Variants in SYT16 observed in about 807,000 individuals in gnomAD.
SYT16 encodes the protein synaptotagmin 16.
SYT16 carries 42 observed loss-of-function variants against 61.4 expected under a neutral mutation model. The observed-to-expected ratio is 0.68, with a 90% CI of 0.53 to 0.89. SYT16 has a LOEUF of 0.89. Among genes scored for constraint, SYT16 ranks in the 40% least tolerant of loss-of-function variants. The probability of loss-of-function intolerance (pLI) is 0.00; values close to 1 mark genes in which losing one functional copy is unlikely to be tolerated. For synonymous variants in SYT16, 314 were observed against 302.3 expected (o/e 1.04, Z -0.40); for missense variants, 804 against 807.3 (o/e 1.00, Z 0.05).
At chr14:61,849,207 C>T (rs1432857136) in intron 1 of SYT16, among the ~76,000 whole-genome samples, 1 of 152,154 alleles carries the variant, frequency 6.6e-6, no homozygotes, top group Non-Finnish European at 1.5e-5. Flanking sequence ...ATTGTCTTTA[C>T]TCTTCTCTCT....
chr14:62,064,154 T>G (rs1264543622), intron 3 of SYT16, among the ~76,000 whole-genome samples: 1 of 152,076 alleles, frequency 6.6e-6, no homozygotes, highest in African/African-American at 2.4e-5. Context: ...GGTATTTATA[T>G]GATGCTTCAG....
intron 1 of SYT16, among the ~76,000 whole-genome samples, chr14:61,880,675 C>G (rs927734745): frequency 6.6e-6 from 1 of 151,982 alleles, no homozygotes; most frequent in Non-Finnish European, 1.5e-5. Flanking sequence ...AGGTTAAATA[C>G]ATATTTTGTT....
At chr14:61,973,225 A>G (rs970430514) in intron 2 of SYT16, among the ~76,000 whole-genome samples, 1 of 152,164 alleles carries the variant, frequency 6.6e-6, no homozygotes, top group Non-Finnish European at 1.5e-5. Flanking sequence ...CCTTTAGGCT[A>G]TATATATTTT....
chr14:61,852,607 G>T (rs1166734264), intron 1 of SYT16, among the ~76,000 whole-genome samples: 1 of 152,124 alleles, frequency 6.6e-6, no homozygotes, highest in African/African-American at 2.4e-5. Flanking sequence ...GCAGTGGTTT[G>T]TAGTTCTACT....
chr14:62,066,733 A>G (rs980605935), intron 3 of SYT16, among the ~76,000 whole-genome samples: 5 of 152,196 alleles, frequency 3.3e-5, no homozygotes, highest in African/African-American at 1.2e-4. Flanking sequence ...ATGGTTTCCA[A>G]TTCACATTCA....
intron 1 of SYT16, among the ~76,000 whole-genome samples, chr14:61,901,622 G>A (rs923420748): frequency 4.6e-5 from 7 of 151,930 alleles, no homozygotes; most frequent in African/African-American, 1.7e-4. Flanking sequence ...CATTAGTTGA[G>A]CCTGCTTGAT....
intron 1 of SYT16, among the ~76,000 whole-genome samples, chr14:61,833,784 T>C (rs2046026790): frequency 6.6e-6 from 1 of 150,706 alleles, no homozygotes; most frequent in Non-Finnish European, 1.5e-5. Flanking sequence ...CGCTCTTTCT[T>C]TGCGCTAGCG....
chr14:61,865,614 G>T (rs1299679863), intron 1 of SYT16, among the ~76,000 whole-genome samples: 1 of 152,198 alleles, frequency 6.6e-6, no homozygotes, highest in Non-Finnish European at 1.5e-5. Context: ...ATATTTATTT[G>T]CATTTTTCAG....
Position 61,995,915 on chromosome 14 carries a change from G to A in SYT16, c.-105G>A. Reference sequence around the variant, plus strand: ...AGTGAAATATTCACAGCCATTAAGAGACCTCCAAATTAATTTCTCAACATG... The same window carrying A: ...AGTGAAATATTCACAGCCATTAAGAAACCTCCAAATTAATTTCTCAACATG... On this transcript the variant is annotated 5_prime_UTR_variant, in exon 3 of 8. Coordinates refer to ENST00000683842, the MANE Select transcript of SYT16 (RefSeq NM_001367656.1). 2 of 1,160,056 alleles carry A rather than the reference G, an allele frequency of 1.7e-6. 1 individual carries two copies. Among genetic ancestry groups the A allele is most frequent in the South Asian group, 3.5e-5 (2 of 56,576 alleles). The allele number at this position is 1,160,056 out of a possible 1,614,324, so 71.9% of individuals were successfully genotyped here. A position where few individuals can be genotyped will look rare whatever the true frequency, so the allele number is the denominator to read the frequency against.
intron 7 of SYT16, among the ~76,000 whole-genome samples, chr14:62,087,292 G>A (rs1286342973): frequency 6.6e-6 from 1 of 152,226 alleles, no homozygotes; most frequent in African/African-American, 2.4e-5. Flanking sequence ...GAAAGGCGGA[G>A]GCCGCATGCC....
intron 1 of SYT16, among the ~76,000 whole-genome samples, chr14:61,826,130 C>T (rs561213624): frequency 1.3e-5 from 2 of 152,238 alleles, no homozygotes; most frequent in South Asian, 4.1e-4. Flanking sequence ...TTGTGGGTGG[C>T]TGGGGCCTGT....
intron 1 of SYT16, among the ~76,000 whole-genome samples, chr14:61,923,284 A>G (rs2049410699): frequency 6.6e-6 from 1 of 151,174 alleles, no homozygotes; most frequent in African/African-American, 2.5e-5. Flanking sequence ...TAGCAGAATT[A>G]TTCATCACTT....
chr14:61,968,508 T>A (rs1228975522), intron 1 of SYT16, among the ~76,000 whole-genome samples: 1 of 152,094 alleles, frequency 6.6e-6, no homozygotes, highest in African/African-American at 2.4e-5. Context: ...GACCTCAGAC[T>A]GAGTACAAAG....
intron 2 of SYT16, among the ~76,000 whole-genome samples, chr14:61,971,367 CAAGGCTTCAGTTAGAATGTCATCTG>C (rs891720331): frequency 3.6e-5 from 4 of 111,186 alleles, no homozygotes; most frequent in Non-Finnish European, 7.1e-5. Context: ...AATGTCATCT[CAAGGCTTCAGTTAGAATGTCATCTG>C]AAGGCTGGAC....
At chr14:61,983,284 G>A (rs2052163442) in intron 2 of SYT16, among the ~76,000 whole-genome samples, 2 of 152,116 alleles carry the variant, frequency 1.3e-5, no homozygotes, top group African/African-American at 4.8e-5. Flanking sequence ...AAAAATATAT[G>A]TGTTCCTCTA....
intron 7 of SYT16, among the ~76,000 whole-genome samples, chr14:62,092,156 A>C (rs2057100336): frequency 6.7e-6 from 1 of 148,964 alleles, no homozygotes; most frequent in Non-Finnish European, 1.5e-5. Flanking sequence ...CCTCATACCC[A>C]TTAGGATGGC....
At chr14:62,040,319 G>T (rs2054677470) in intron 3 of SYT16, among the ~76,000 whole-genome samples, 1 of 152,192 alleles carries the variant, frequency 6.6e-6, no homozygotes, top group Non-Finnish European at 1.5e-5. Flanking sequence ...GAAAAAGAGA[G>T]AAAGATGCTA....
intron 1 of SYT16, among the ~76,000 whole-genome samples, chr14:61,860,352 A>T (rs930716535): frequency 6.6e-6 from 1 of 152,226 alleles, no homozygotes; most frequent in Non-Finnish European, 1.5e-5. Flanking sequence ...CATCATTTGC[A>T]TATCAGTAAG....
rs2057430138 is a variant in SYT16 at position 62,102,057 on chromosome 14, A to G, written c.*1350A>G. The stretch of plus-strand genomic sequence containing the variant: ...GTATGTACATTTAATCCCTGCGCTC[A>G]ATGTGCAGCTCTTCTGAGCAATTGC... On this transcript the variant is annotated 3_prime_UTR_variant, in exon 8 of 8. Transcript: ENST00000683842. The G allele has an allele frequency of 6.6e-6, 1 of 152,222 alleles. No individual in the cohort carries two copies. The highest frequency in any genetic ancestry group is 1.5e-5 in the Non-Finnish European group (1 of 68,024). 9.4% of individuals were successfully genotyped at this position (152,222 alleles called of 1,614,324 possible).
Sources: gnomAD v4.1 joint callset for allele counts (sites outside exome capture counted in the v4.1 genomes callset) on GRCh38, gnomAD v4.1.1 for gene constraint, MANE v1.5 for transcripts, NCBI Gene and HGNC (gene_info 2026-07-23, HGNC 2026-07-21) for gene names.